KHSRP: variants seen among roughly 807,000 people sequenced by gnomAD.
The protein encoded by KHSRP is KH-type splicing regulatory protein.
A neutral mutation model predicts 94.9 loss-of-function variants in KHSRP; 13 were observed. The ratio of observed to expected loss-of-function variants is 0.14; its 90% CI spans 0.09 to 0.22. The LOEUF (loss-of-function observed/expected upper bound fraction) is 0.22, where lower values mean the gene tolerates loss of function less well. Ranked by LOEUF, KHSRP falls within the 10% of genes least tolerant of loss-of-function variation. The pLI is 1.00. For missense variants in KHSRP, 710 were observed against 1,010.0 expected, an observed-to-expected ratio of 0.70 and a Z score of 4.03; for synonymous variants, 495 against 401.4, an observed-to-expected ratio of 1.23 and a Z score of -2.79.
At chr19:6,422,734 A>C (rs2092202574) in intron 1 of KHSRP, among the ~76,000 whole-genome samples, 1 of 152,176 alleles carries the variant, frequency 6.6e-6, no homozygotes, top group South Asian at 2.1e-4. Context: ...GGTGACAAGG[A>C]ACAGAGGCTC....
At chr19:6,416,231 TCTG>T in intron 15 of KHSRP, 64 bp downstream of exon 15, 9 of 1,282,852 alleles carry the variant, frequency 7.0e-6, no homozygotes, top group Non-Finnish European at 9.7e-6. Context: ...GGAAATGGGG[TCTG>T]CTATTCTTCT....
chr19:6,422,479 A>C (rs1198246879), intron 1 of KHSRP, 43 bp from the exon 2 acceptor site: 4 of 1,443,606 alleles, frequency 2.8e-6, no homozygotes, highest in Admixed American at 1.7e-5. Context: ...CACCAAAAAC[A>C]ACCCTCCATG....
At chr19:6,421,096 C>A in intron 4 of KHSRP, 182 bp downstream of exon 4, 1 of 625,886 alleles carries the variant, frequency 1.6e-6, no homozygotes, top group Non-Finnish European at 2.8e-6. Context: ...GCCCTTCAGA[C>A]AAGGGGTACG....
At chr19:6,424,420 C>A in intron 1 of KHSRP, 33 bp downstream of exon 1, 1 of 983,002 alleles carries the variant, frequency 1.0e-6, no homozygotes, top group Non-Finnish European at 1.2e-6. Context: ...CGCGCGCGCG[C>A]GAGCGCGCCC....
chr19:6,416,200 C>T lies in KHSRP; in HGVS notation c.1598+98G>A, dbSNP rs112523079. On this transcript the variant is annotated intron_variant, in intron 15 of 18. Coordinates refer to ENST00000600480, the MANE Select transcript of KHSRP (RefSeq NM_001366299.1). Reference sequence around the variant, plus strand: ...CAAAAATGGGCTGGATGAGGCCCCCCGCCTGCACTTCTAGGGAAAGGGAAA... The same window carrying T: ...CAAAAATGGGCTGGATGAGGCCCCCTGCCTGCACTTCTAGGGAAAGGGAAA... 1.1e-4 allele frequency: 105 copies of T among 999,232 alleles called. No individual in the cohort carries two copies. In the African/African-American group the frequency reaches 1.2e-3, roughly 11 times the overall value. The allele number at this position is 999,232 out of a possible 1,614,324, so 61.9% of individuals were successfully genotyped here. A position where few individuals can be genotyped will look rare whatever the true frequency, so the allele number is the denominator to read the frequency against.
Position 6,422,295 on chromosome 19 carries a change from C to T in KHSRP, c.346+45G>A, listed in dbSNP as rs149581684. ...ACTCAAACAAAAGCACCTCTTTAGGCCCCCAGCCCTTCCTCCTAAGCTAAA... is the reference window on the plus strand; with the variant it reads ...ACTCAAACAAAAGCACCTCTTTAGGTCCCCAGCCCTTCCTCCTAAGCTAAA... On this transcript the variant is annotated intron_variant, in intron 2 of 18. Coordinates refer to ENST00000600480, the MANE Select transcript of KHSRP (RefSeq NM_001366299.1). 4.7e-3 allele frequency: 6,359 copies of T among 1,346,222 alleles called. 19 individuals are homozygous for T. Among genetic ancestry groups the T allele is most frequent in the Non-Finnish European group, 6.0e-3 (5,609 of 937,432 alleles). 83.4% of individuals were successfully genotyped at this position (1,346,222 alleles called of 1,614,324 possible). A position where few individuals can be genotyped will look rare whatever the true frequency, so the allele number is the denominator to read the frequency against.
Position 6,424,752 on chromosome 19 carries a change from G to T in KHSRP, c.-51C>A. 1 of 829,480 alleles carries T rather than the reference G, an allele frequency of 1.2e-6. No individual in the cohort carries two copies. Among genetic ancestry groups the T allele is most frequent in the Non-Finnish European group, 1.5e-6 (1 of 673,550 alleles). 51.4% of individuals were successfully genotyped at this position (829,480 alleles called of 1,614,324 possible). On this transcript the variant is annotated 5_prime_UTR_variant, in exon 1 of 19. Coordinates refer to ENST00000600480, the MANE Select transcript of KHSRP (RefSeq NM_001366299.1). ...GGAGGCTGAAGCTGAGGAGGCGGCG[G>T]CGGCGGCGGCGGCTCAACGCGGGAA...
At position 6,414,251 on chromosome 19, in the gene KHSRP, T is replaced by G. The variant is rs1263532983; in HGVS notation, c.*773A>C. Reference sequence around the variant, plus strand: ...AGCCCCCTCCCAAACCTGCGCTGGCTCAGGCTGGAAGGACGTGCTTGTTAA... The same window carrying G: ...AGCCCCCTCCCAAACCTGCGCTGGCGCAGGCTGGAAGGACGTGCTTGTTAA... On this transcript the variant is annotated 3_prime_UTR_variant, in exon 19 of 19. Transcript: ENST00000600480. 1.3e-6 allele frequency: 2 copies of G among 1,488,068 alleles called. No homozygotes were observed. Among genetic ancestry groups the G allele is most frequent in the Non-Finnish European group, 1.8e-6 (2 of 1,117,460 alleles). The allele number at this position is 1,488,068 out of a possible 1,614,324, so 92.2% of individuals were successfully genotyped here. A position where few individuals can be genotyped will look rare whatever the true frequency, so the allele number is the denominator to read the frequency against.
chr19:6,414,553 A>C lies in KHSRP; in HGVS notation c.*471T>G, dbSNP rs930938148. ...CACAGACAAGCCCGGGACACAGGCA[A>C]GCGCGAGCGCATGGGAGGCTGAGCC... is the stretch of plus-strand genomic sequence containing the variant. On this transcript the variant is annotated 3_prime_UTR_variant, in exon 19 of 19. Transcript: ENST00000600480. 9.8e-7 allele frequency: 1 copy of C among 1,024,140 alleles called. No homozygotes were observed. Among genetic ancestry groups the C allele is most frequent in the African/African-American group, 1.7e-5 (1 of 58,516 alleles). 63.4% of individuals were successfully genotyped at this position (1,024,140 alleles called of 1,614,324 possible). A position where few individuals can be genotyped will look rare whatever the true frequency, so the allele number is the denominator to read the frequency against.
intron 7 of KHSRP, 67 bp downstream of exon 7, chr19:6,419,136 T>C (rs1279406289): frequency 4.1e-6 from 6 of 1,470,810 alleles, no homozygotes; most frequent in East Asian, 4.9e-5. Flanking sequence ...CAACTTTCAA[T>C]TCAAACGGAC....
In KHSRP at chr19:6,421,173, A is replaced by G. The variant is rs2092192783; in HGVS notation, c.425+105T>C. On this transcript the variant is annotated intron_variant, in intron 4 of 18. Transcript: ENST00000600480. ...CTCTGGTCAACTGGCACTGGGGGATAAAACCTGAGAGATGTGCCCCCAGTC... is the reference window on the plus strand; with the variant it reads ...CTCTGGTCAACTGGCACTGGGGGATGAAACCTGAGAGATGTGCCCCCAGTC... The G allele has an allele frequency of 5.6e-6, 6 of 1,070,700 alleles. No individual in the cohort carries two copies. The African/African-American group carries it at 6.3e-5, about 11-fold the overall frequency. The allele number at this position is 1,070,700 out of a possible 1,614,324, so 66.3% of individuals were successfully genotyped here.
In KHSRP at chr19:6,424,538, GCCGACCCCCCGC is replaced by G. The variant is rs2092220445; in HGVS notation, c.152_163del (p.Gly51_Ser54del). ...GCCGGGTGGCTGAGAGGGGCCCCCGGCCGACCCCCCGCCCGGGCCGCCGCCGCCGGGACCGCC... is the reference window on the plus strand; with the variant it reads ...GCCGGGTGGCTGAGAGGGGCCCCCGGCCGGGCCGCCGCCGCCGGGACCGCC... On this transcript the variant is annotated inframe_deletion, in exon 1 of 19. Coordinates refer to ENST00000600480, the MANE Select transcript of KHSRP (RefSeq NM_001366299.1). The G allele has an allele frequency of 2.0e-6, 2 of 978,350 alleles. No individual in the cohort carries two copies. Among genetic ancestry groups the G allele is most frequent in the Non-Finnish European group, 2.4e-6 (2 of 825,986 alleles). The allele number at this position is 978,350 out of a possible 1,614,324, so 60.6% of individuals were successfully genotyped here.
At position 6,414,773 on chromosome 19, in the gene KHSRP, T is replaced by G; in HGVS notation, c.*251A>C. The G allele has an allele frequency of 1.8e-6, 2 of 1,121,316 alleles. No homozygotes were observed. The highest frequency in any genetic ancestry group is 1.1e-6 in the Non-Finnish European group (1 of 917,140). The allele number at this position is 1,121,316 out of a possible 1,614,324, so 69.5% of individuals were successfully genotyped here. ...GACGTTTTCTTCCCAAGTGGCCAGA[T>G]TGTGAGCGAGGTGGTGGCGGCCGGG... On this transcript the variant is annotated 3_prime_UTR_variant, in exon 19 of 19. Transcript: ENST00000600480.
intron 18 of KHSRP, 23 bp downstream of exon 18, chr19:6,415,357 G>A (rs773738876): frequency 1.9e-6 from 3 of 1,610,794 alleles, no homozygotes; most frequent in Non-Finnish European, 1.7e-6. Flanking sequence ...CCCTGCCCCT[G>A]TCCCCGCATG....
rs896034207 is a variant in KHSRP, at chr19:6,414,924, G to C, written c.*100C>G. ...CACACAGGAACAAGCAGCCGGCGCA[G>C]GGAGGCCTCTTCGTTTAACCTCTGG... On this transcript the variant is annotated 3_prime_UTR_variant, in exon 19 of 19. Coordinates refer to ENST00000600480, the MANE Select transcript of KHSRP (RefSeq NM_001366299.1). The C allele has an allele frequency of 7.1e-7, 1 of 1,405,564 alleles. No individual in the cohort carries two copies. Among genetic ancestry groups the C allele is most frequent in the Non-Finnish European group, 9.2e-7 (1 of 1,085,598 alleles). 87.1% of individuals were successfully genotyped at this position (1,405,564 alleles called of 1,614,324 possible).
Position 6,415,616 on chromosome 19 carries a change from C to T in KHSRP, c.1806G>A (p.Pro602=), listed in dbSNP as rs1454840364. The change falls in exon 17 of 19, where the codon CCG becomes CCA. Residue 602 remains proline (P), a synonymous_variant. Transcript: ENST00000600480. The stretch of plus-strand genomic sequence containing the variant: ...GGGGCTGAGGGGGCTCACCCTGAGC[C>T]GGTGGGGCCGCAGGGGCCGGTGCGG... ...PGPAPAPAAP[P]AQGEPPQPPP... is the part of the protein sequence containing the mutation. The T allele has an allele frequency of 6.0e-6, 9 of 1,491,970 alleles. No individual in the cohort carries two copies. Among genetic ancestry groups the T allele is most frequent in the Admixed American group, 2.1e-5 (1 of 47,874 alleles). The allele number at this position is 1,491,970 out of a possible 1,614,324, so 92.4% of individuals were successfully genotyped here. A position where few individuals can be genotyped will look rare whatever the true frequency, so the allele number is the denominator to read the frequency against.
Position 6,415,150 on chromosome 19 carries a change from T to C in KHSRP, c.2118A>G (p.Gly706=), listed in dbSNP as rs1374370141. The C allele has an allele frequency of 1.9e-6, 3 of 1,604,962 alleles. No homozygotes were observed. The highest frequency in any genetic ancestry group is 1.7e-4 in the Middle Eastern group (1 of 6,024). ...GGPQPPPTQQ[G]QQQASGNCHP... is the part of the protein sequence containing the mutation. ...GGCAATTCCCACTTGCCTGCTGCTG[T>C]CCCTGCTGCGTGGGCGGCGGCTGGG... Residue 706 remains glycine (G), a synonymous_variant, in exon 19 of 19, where the codon GGA becomes GGG. Transcript: ENST00000600480.
rs1049189548 is a variant in KHSRP at position 6,414,676 on chromosome 19, T to C, written c.*348A>G. On this transcript the variant is annotated 3_prime_UTR_variant, in exon 19 of 19. Transcript: ENST00000600480. ...AGTCACTTGGACACAGGAAAAAAGA[T>C]CATGGGTTTAAAAAATAAAAGAATA... is the stretch of plus-strand genomic sequence containing the variant. 2.0e-6 allele frequency: 2 copies of C among 1,015,574 alleles called. No individual in the cohort carries two copies. Among genetic ancestry groups the C allele is most frequent in the Non-Finnish European group, 2.4e-6 (2 of 850,506 alleles). The allele number at this position is 1,015,574 out of a possible 1,614,324, so 62.9% of individuals were successfully genotyped here.
Position 6,414,985 on chromosome 19 carries a change from TC to T in KHSRP, c.*38del. Reference sequence around the variant, plus strand: ...TGCTTCCCTGGCGGTGCGTGGGGACTCCCGGAGACCTCCGGCCACACGGCCC... The same window carrying T: ...TGCTTCCCTGGCGGTGCGTGGGGACTCCGGAGACCTCCGGCCACACGGCCC... On this transcript the variant is annotated 3_prime_UTR_variant, in exon 19 of 19. Transcript: ENST00000600480. 1 of 1,440,976 alleles carries T rather than the reference TC, an allele frequency of 6.9e-7. No homozygotes were observed. Among genetic ancestry groups the T allele is most frequent in the South Asian group, 1.5e-5 (1 of 67,754 alleles). 89.3% of individuals were successfully genotyped at this position (1,440,976 alleles called of 1,614,324 possible).
Sources: gnomAD v4.1 joint callset for allele counts (sites outside exome capture counted in the v4.1 genomes callset) on GRCh38, gnomAD v4.1.1 for gene constraint, MANE v1.5 for transcripts, NCBI Gene and HGNC (gene_info 2026-07-23, HGNC 2026-07-21) for gene names.